Variants in ZCCHC7 observed in about 807,000 individuals in gnomAD.
ZCCHC7 encodes the protein zinc finger CCHC domain-containing protein 7.
Under a neutral mutation model 52.0 loss-of-function variants are expected in ZCCHC7, and 35 were observed. The observed-to-expected ratio is 0.67, with a 90% CI of 0.51 to 0.89. The LOEUF is 0.89. Ranked by LOEUF, ZCCHC7 falls within the 40% of genes least tolerant of loss-of-function variation. ZCCHC7 has a pLI of 0.00. For missense variants in ZCCHC7, 574 were observed against 649.1 expected (o/e 0.88, Z 1.26); for synonymous variants, 217 against 221.5 (o/e 0.98, Z 0.18).
chr9:37,153,717 C>T (rs1820665232), intron 2 of ZCCHC7, among the ~76,000 whole-genome samples: 1 of 151,794 alleles, frequency 6.6e-6, no homozygotes, highest in African/African-American at 2.4e-5. Flanking sequence ...CTTCCTGGCA[C>T]TGCAAGATGC....
At chr9:37,352,118 A>G (rs979971761) in intron 7 of ZCCHC7, among the ~76,000 whole-genome samples, 10 of 152,250 alleles carry the variant, frequency 6.6e-5, no homozygotes, top group Non-Finnish European at 1.5e-5. Context: ...TATAATTTAC[A>G]TTTAGCTTTG....
At chr9:37,123,000 T>A (rs1458208431) in intron 1 of ZCCHC7, among the ~76,000 whole-genome samples, 2 of 152,366 alleles carry the variant, frequency 1.3e-5, no homozygotes, top group East Asian at 3.9e-4. Flanking sequence ...ATCACAGAAA[T>A]GTGAATCACT....
chr9:37,282,833 G>T (rs10973288), intron 2 of ZCCHC7, among the ~76,000 whole-genome samples: 1 of 149,918 alleles, frequency 6.7e-6, no homozygotes, highest in East Asian at 1.9e-4. Context: ...AAAGGCGGGG[G>T]GAGTGAGGGG....
chr9:37,321,806 A>G (rs1011194718), intron 5 of ZCCHC7, among the ~76,000 whole-genome samples: 2 of 152,122 alleles, frequency 1.3e-5, no homozygotes, highest in South Asian at 4.1e-4. Flanking sequence ...AAGTGAAACT[A>G]ATTTACCTTT....
chr9:37,265,363 A>T (rs976025766), intron 2 of ZCCHC7, among the ~76,000 whole-genome samples: 1 of 152,110 alleles, frequency 6.6e-6, no homozygotes, highest in Non-Finnish European at 1.5e-5. Flanking sequence ...ATTCTTTCTT[A>T]CTTCCTAGGA....
chr9:37,304,379 C>T lies in ZCCHC7; in HGVS notation c.780+66C>T. On this transcript the variant is annotated intron_variant, in intron 4 of 8. Transcript: ENST00000336755. ...TCAAAATCTCAAGGGTGAGGCTGGG[C>T]ACGGTGGCTCATGCCTGTAATCCCA... The T allele has an allele frequency of 1.9e-6, 3 of 1,566,844 alleles. No individual in the cohort carries two copies. The South Asian group carries it at 3.6e-5, about 19-fold the overall frequency.
At chr9:37,132,591 A>G (rs780478905) in intron 2 of ZCCHC7, among the ~76,000 whole-genome samples, 1 of 151,210 alleles carries the variant, frequency 6.6e-6, no homozygotes, top group Non-Finnish European at 1.5e-5. Context: ...ACATTTGTAT[A>G]CAAGTGTGCA....
intron 2 of ZCCHC7, among the ~76,000 whole-genome samples, chr9:37,197,183 C>A (rs764627193): frequency 3.3e-5 from 5 of 152,056 alleles, no homozygotes; most frequent in Admixed American, 1.3e-4. Flanking sequence ...GACTTCCCCC[C>A]ACCCCCAGCC....
intron 2 of ZCCHC7, among the ~76,000 whole-genome samples, chr9:37,237,742 A>G (rs1018176083): frequency 6.6e-6 from 1 of 152,224 alleles, no homozygotes; most frequent in Non-Finnish European, 1.5e-5. Flanking sequence ...TGCAAGAGTT[A>G]TTAAAGAGAG....
intron 2 of ZCCHC7, among the ~76,000 whole-genome samples, chr9:37,231,258 G>A (rs980765655): frequency 2.0e-5 from 3 of 152,060 alleles, no homozygotes; most frequent in African/African-American, 7.2e-5. Flanking sequence ...AAACGTCTTT[G>A]GGGCTTTAAT....
Position 37,327,902 on chromosome 9 carries a change from C to T in ZCCHC7, c.987+68C>T, listed in dbSNP as rs1329732537. On this transcript the variant is annotated intron_variant, in intron 6 of 8. Transcript: ENST00000336755. The stretch of plus-strand genomic sequence containing the variant: ...ATTTACCCTTCTCTGAACTGCTGAC[C>T]ATAAAATATAGACAAGCATCTTCTG... 23 of 1,512,978 alleles carry T rather than the reference C, an allele frequency of 1.5e-5. No homozygotes were observed. The East Asian group carries it at 3.6e-4, about 24-fold the overall frequency. The allele number at this position is 1,512,978 out of a possible 1,614,324, so 93.7% of individuals were successfully genotyped here.
intron 2 of ZCCHC7, among the ~76,000 whole-genome samples, chr9:37,198,799 G>A (rs139202466): frequency 6.6e-6 from 1 of 152,292 alleles, no homozygotes; most frequent in African/African-American, 2.4e-5. Context: ...AAAGAACTGA[G>A]TAAAACCTGG....
intron 2 of ZCCHC7, among the ~76,000 whole-genome samples, chr9:37,277,382 G>A (rs1007272757): frequency 1.3e-5 from 2 of 152,060 alleles, no homozygotes; most frequent in East Asian, 1.9e-4. Flanking sequence ...TGGCTCATGC[G>A]TATTATCCCA....
intron 2 of ZCCHC7, among the ~76,000 whole-genome samples, chr9:37,148,896 A>G (rs1302171751): frequency 6.6e-6 from 1 of 152,110 alleles, no homozygotes; most frequent in Non-Finnish European, 1.5e-5. Context: ...TGGAGAGTTC[A>G]CTGTCAGTTA....
At chr9:37,212,992 A>G (rs938758810) in intron 2 of ZCCHC7, among the ~76,000 whole-genome samples, 6 of 152,170 alleles carry the variant, frequency 3.9e-5, no homozygotes, top group Admixed American at 3.3e-4. Context: ...TATTCTATAG[A>G]ATAGACAGAG....
chr9:37,211,123 T>C (rs1311087544), intron 2 of ZCCHC7, among the ~76,000 whole-genome samples: 1 of 152,264 alleles, frequency 6.6e-6, no homozygotes, highest in African/African-American at 2.4e-5. Context: ...CTAAAGAATT[T>C]CCAGTAAGCT....
At chr9:37,237,992 A>C (rs1825730005) in intron 2 of ZCCHC7, among the ~76,000 whole-genome samples, 1 of 152,140 alleles carries the variant, frequency 6.6e-6, no homozygotes, top group Non-Finnish European at 1.5e-5. Flanking sequence ...GAATCAACGG[A>C]TCACATTTAT....
chr9:37,265,025 C>G (rs1419387412), intron 2 of ZCCHC7, among the ~76,000 whole-genome samples: 1 of 152,014 alleles, frequency 6.6e-6, no homozygotes, highest in Non-Finnish European at 1.5e-5. Context: ...AATTTTGTAG[C>G]CTAGGAAACC....
At chr9:37,256,051 A>T (rs1826570617) in intron 2 of ZCCHC7, among the ~76,000 whole-genome samples, 1 of 152,104 alleles carries the variant, frequency 6.6e-6, no homozygotes, top group African/African-American at 2.4e-5. Context: ...AGCATTCTAC[A>T]TTGTTTCCAG....
Sources: gnomAD v4.1 joint callset for allele counts (sites outside exome capture counted in the v4.1 genomes callset) on GRCh38, gnomAD v4.1.1 for gene constraint, MANE v1.5 for transcripts, NCBI Gene and HGNC (gene_info 2026-07-23, HGNC 2026-07-21) for gene names.